The following DPY19L2 variants were observed in gnomAD, a reference collection of about 807,000 sequenced individuals.
DPY19L2 encodes the protein probable C-mannosyltransferase DPY19L2.
A neutral mutation model predicts 97.9 loss-of-function variants in DPY19L2; 34 were observed. That is an observed-to-expected ratio of 0.35 (90% CI 0.26 to 0.46). DPY19L2 has a LOEUF of 0.46. DPY19L2 is among the 20% of genes least tolerant of loss of function. DPY19L2 has a pLI of 1.00. For missense variants in DPY19L2, 623 were observed against 911.4 expected, an observed-to-expected ratio of 0.68 and a Z score of 4.07; for synonymous variants, 230 against 307.9, an observed-to-expected ratio of 0.75 and a Z score of 2.65.
intron 6 of DPY19L2, among the ~76,000 whole-genome samples, chr12:63,635,567 A>G (rs2138009364): frequency 6.6e-6 from 1 of 152,306 alleles, no homozygotes; most frequent in South Asian, 2.1e-4. Context: ...GCTAAGTAGA[A>G]TAAACAGTGT....
rs771094171 is a variant in DPY19L2, at chr12:63,561,006, TA to T, written c.2127-345del. Among the ~76,000 whole-genome samples, 141 of 152,296 alleles carry T rather than the reference TA, an allele frequency of 9.3e-4. 1 individual carries two copies. Among genetic ancestry groups the T allele is most frequent in the Non-Finnish European group, 1.2e-3 (84 of 68,030 alleles). ...ATCTAAACATAAGGCCCATTTGTAGTAAAATAAGACAAATTAAAACCTAATC... is the reference window on the plus strand; with the variant it reads ...ATCTAAACATAAGGCCCATTTGTAGTAAATAAGACAAATTAAAACCTAATC... On this transcript the variant is annotated intron_variant, in intron 21 of 21. Coordinates refer to ENST00000324472, the MANE Select transcript of DPY19L2 (RefSeq NM_173812.5).
chr12:63,576,835 C>G (rs7965767), intron 19 of DPY19L2, among the ~76,000 whole-genome samples: 11,795 of 151,948 alleles, frequency 0.078, 709 homozygotes, highest in African/African-American at 0.16. Context: ...TTGGAAGAAT[C>G]AATACTGTTA....
At chr12:63,591,511 C>T (rs1431399554) in intron 16 of DPY19L2, among the ~76,000 whole-genome samples, 1 of 152,070 alleles carries the variant, frequency 6.6e-6, no homozygotes, top group Non-Finnish European at 1.5e-5. Context: ...TCATATTTCC[C>T]TCAGAAGGAA....
rs781249397 is a variant in DPY19L2 at position 63,597,909 on chromosome 12, A to C, written c.1361T>G (p.Ile454Ser). ...TSKILGVSDH[I>S]RLSDLIAARI... is the part of the protein sequence containing the mutation. ...GGCTGCTATAAGATCACTCAGGCGA[A>C]TCTGGGAGAAAATAAAGTAAAATGA... The change falls in exon 14 of 22, where the codon ATT becomes AGT. Residue 454 changes from isoleucine to serine, a missense_variant and splice_region_variant. Physicochemically the swap from Ile to Ser is moderately radical, Grantham distance 142. Around this residue, in one of 6 missense-constraint regions of DPY19L2, gnomAD observed 294 missense variants for 446.2 expected, o/e 0.66. Transcript: ENST00000324472. 1 of 1,587,418 alleles carries C rather than the reference A, an allele frequency of 6.3e-7. No individual in the cohort carries two copies.
intron 6 of DPY19L2, among the ~76,000 whole-genome samples, chr12:63,631,914 G>A (rs182846058): frequency 0.015 from 2,223 of 152,124 alleles, 24 homozygotes; most frequent in Non-Finnish European, 0.02. Flanking sequence ...TTCAACATAC[G>A]CAAATCAATA....
chr12:63,591,971 G>C (rs1361275312), intron 16 of DPY19L2, among the ~76,000 whole-genome samples: 1 of 99,330 alleles, frequency 1.0e-5, no homozygotes, highest in Non-Finnish European at 1.9e-5. Flanking sequence ...GAAAAGAAAA[G>C]AAAAGAGGGG....
Position 63,594,143 on chromosome 12 carries a change from G to C in DPY19L2, c.1534-10C>G, listed in dbSNP as rs144982569. 24,942 of 1,526,054 alleles carry C rather than the reference G, an allele frequency of 0.016. 307 individuals are homozygous for C. The highest frequency in any genetic ancestry group is 0.028 in the Middle Eastern group (117 of 4,254). 94.5% of individuals were successfully genotyped at this position (1,526,054 alleles called of 1,614,324 possible). A position where few individuals can be genotyped will look rare whatever the true frequency, so the allele number is the denominator to read the frequency against. ...AAATATCACGAACAGTCTGTGAATA[G>C]AATCAAATCAATGAAACTTTTGTAA... On this transcript the variant is annotated splice_polypyrimidine_tract_variant and intron_variant, in intron 15 of 21. Transcript: ENST00000324472.
At chr12:63,613,751 TGAAGA>T (rs1466915065) in intron 11 of DPY19L2, among the ~76,000 whole-genome samples, 5 of 151,326 alleles carry the variant, frequency 3.3e-5, no homozygotes, top group Non-Finnish European at 7.4e-5. Flanking sequence ...CTATAAAAGG[TGAAGA>T]GAAGAAACTT....
chr12:63,565,469 G>A (rs186714924), intron 21 of DPY19L2, among the ~76,000 whole-genome samples: 13 of 152,112 alleles, frequency 8.5e-5, no homozygotes, highest in African/African-American at 2.7e-4. Flanking sequence ...TCTCTTACTC[G>A]TTTGCCTCCT....
At chr12:63,624,668 A>G (rs542746226) in intron 7 of DPY19L2, among the ~76,000 whole-genome samples, 60 of 152,324 alleles carry the variant, frequency 3.9e-4, no homozygotes, top group African/African-American at 1.4e-3. Context: ...TATTTTAAAA[A>G]CAACTAGAAG....
At chr12:63,588,009 A>G (rs549105762) in intron 16 of DPY19L2, among the ~76,000 whole-genome samples, 1 of 152,312 alleles carries the variant, frequency 6.6e-6, no homozygotes, top group East Asian at 1.9e-4. Context: ...CGTTTTCTTC[A>G]AAGAAAAAGT....
chr12:63,603,382 A>C (rs2137595354), intron 12 of DPY19L2, among the ~76,000 whole-genome samples: 1 of 152,182 alleles, frequency 6.6e-6, no homozygotes, highest in Non-Finnish European at 1.5e-5. Context: ...TTAAATTTTA[A>C]GTTCTGGGGT....
At chr12:63,620,028 C>A (rs746569242) in intron 9 of DPY19L2, 3 of 453,164 alleles carry the variant, frequency 6.6e-6, no homozygotes, top group Non-Finnish European at 1.3e-5. Flanking sequence ...TAATTTCATT[C>A]TTTGTAGGCT....
intron 19 of DPY19L2, among the ~76,000 whole-genome samples, chr12:63,578,273 T>G (rs1231922170): frequency 6.6e-6 from 1 of 151,300 alleles, no homozygotes; most frequent in South Asian, 2.1e-4. Flanking sequence ...GTTGAACTCA[T>G]GGAGATCAAG....
chr12:63,655,755 T>C (rs1314379214), intron 4 of DPY19L2, among the ~76,000 whole-genome samples: 1 of 151,176 alleles, frequency 6.6e-6, no homozygotes, highest in Non-Finnish European at 1.5e-5. Context: ...GGGGGGTGGG[T>C]TTCACGCCTT....
intron 6 of DPY19L2, among the ~76,000 whole-genome samples, chr12:63,628,908 C>T (rs1476679889): frequency 1.3e-5 from 2 of 151,426 alleles, no homozygotes; most frequent in African/African-American, 2.4e-5. Context: ...TGCTGTTCAC[C>T]AATATCCACT....
intron 16 of DPY19L2, among the ~76,000 whole-genome samples, chr12:63,589,613 T>C (rs916037258): frequency 3.3e-5 from 5 of 151,950 alleles, no homozygotes; most frequent in African/African-American, 9.7e-5. Context: ...TATATGTAAA[T>C]AGACACTTAT....
At chr12:63,647,719 A>G (rs1893611413) in intron 4 of DPY19L2, among the ~76,000 whole-genome samples, 2 of 152,200 alleles carry the variant, frequency 1.3e-5, no homozygotes, top group Admixed American at 1.3e-4. Context: ...TTGCACTATC[A>G]ATTGTTGCTG....
chr12:63,585,160 G>T (rs1443441777), intron 16 of DPY19L2, among the ~76,000 whole-genome samples: 2 of 152,018 alleles, frequency 1.3e-5, no homozygotes, highest in Admixed American at 6.5e-5. Flanking sequence ...TATCTTCATG[G>T]AGTTTATATT....
Sources: allele counts gnomAD v4.1 joint callset (sites outside exome capture counted in the v4.1 genomes callset), GRCh38; gene constraint gnomAD v4.1.1; regional missense constraint gnomAD v4.1.1; transcripts MANE v1.5; gene names NCBI Gene and HGNC (gene_info 2026-07-23, HGNC 2026-07-21).